Variants in GOLGA8T observed in about 807,000 individuals in gnomAD.
The protein encoded by GOLGA8T is golgin subfamily A member 8T.
In GOLGA8T, 17 loss-of-function variants were observed where a neutral mutation model predicts 52.0. The ratio of observed to expected loss-of-function variants is 0.33; its 90% confidence interval spans 0.22 to 0.49. GOLGA8T has a LOEUF of 0.49. Among genes scored for constraint, GOLGA8T ranks in the 20% least tolerant of loss-of-function variants. GOLGA8T has a pLI of 0.99. For synonymous variants in GOLGA8T, 67 were observed against 169.5 expected (o/e 0.40, Z 4.70); for missense variants, 154 against 462.1 (o/e 0.33, Z 6.11).
Position 30,141,558 on chromosome 15 carries a change from G to A in GOLGA8T, c.874+133G>A, listed in dbSNP as rs368948100. ...GGGAAAGAGATCTGTGCCAGGAGAC[G>A]GCGAGTCTTGTCATCTCAATGAGTC... is the stretch of plus-strand genomic sequence containing the variant. On this transcript the variant is annotated intron_variant, in intron 11 of 18. Coordinates refer to ENST00000569052, the MANE Select transcript of GOLGA8T (RefSeq NM_001355469.2). 21 of 755,666 alleles carry A rather than the reference G, an allele frequency of 2.8e-5. 6 individuals are homozygous for A. The highest frequency in any genetic ancestry group is 2.5e-4 in the East Asian group (9 of 36,700). 46.8% of individuals were successfully genotyped at this position (755,666 alleles called of 1,614,324 possible). A position where few individuals can be genotyped will look rare whatever the true frequency, so the allele number is the denominator to read the frequency against.
Position 30,136,960 on chromosome 15 carries a change from C to A in GOLGA8T, c.143C>A (p.Ser48Tyr). 2 of 935,376 alleles carry A rather than the reference C, an allele frequency of 2.1e-6. No individual in the cohort carries two copies. Among genetic ancestry groups the A allele is most frequent in the South Asian group, 3.5e-5 (2 of 56,698 alleles). The allele number at this position is 935,376 out of a possible 1,614,324, so 57.9% of individuals were successfully genotyped here. ...TNGSIPEKAT[S>Y]GGCQPPRDSA... is the part of the protein sequence containing the mutation. ...GGCAGTATCCCTGAGAAAGCCACTT[C>A]TGGTGGTTGCCAGCCACCTAGGGAT... Residue 48 changes from serine to tyrosine, a missense_variant, in exon 2 of 19, where the codon TCT (serine) becomes TAT (tyrosine). By Grantham distance (144) the Ser-to-Tyr change is moderately radical. Coordinates refer to ENST00000569052, the MANE Select transcript of GOLGA8T (RefSeq NM_001355469.2).
rs1167840406 is a variant in GOLGA8T at position 30,141,640 on chromosome 15, C to T, written c.875-162C>T. On this transcript the variant is annotated intron_variant, in intron 11 of 18. Transcript: ENST00000569052. ...GGCCCGTTGTCAGCCACCCGCAGTGCTCTTTCTCTGAAAGTGCTTTGGAAG... is the reference window on the plus strand; with the variant it reads ...GGCCCGTTGTCAGCCACCCGCAGTGTTCTTTCTCTGAAAGTGCTTTGGAAG... Among the ~76,000 whole-genome samples, 2 of 126,966 alleles carry T rather than the reference C, an allele frequency of 1.6e-5. 1 individual carries two copies. Among genetic ancestry groups the T allele is most frequent in the African/African-American group, 8.6e-5 (2 of 23,356 alleles). The allele number at this position is 126,966 out of a possible 152,430, so 83.3% of individuals were successfully genotyped here.
chr15:30,140,961 A>C (rs1278241199), intron 9 of GOLGA8T, 33 bp downstream of exon 9: 8 of 1,416,716 alleles, frequency 5.6e-6, no homozygotes, highest in Non-Finnish European at 7.7e-6. Flanking sequence ...TGTGGAAGGA[A>C]GATGACCCCA....
chr15:30,145,063 T>C lies in GOLGA8T; in HGVS notation c.1564+7T>C. 3 of 435,762 alleles carry C rather than the reference T, an allele frequency of 6.9e-6. No individual in the cohort carries two copies. The highest frequency in any genetic ancestry group is 1.1e-5 in the Non-Finnish European group (3 of 264,382). The allele number at this position is 435,762 out of a possible 1,614,324, so 27.0% of individuals were successfully genotyped here. The stretch of plus-strand genomic sequence containing the variant: ...GCTCAGGGAGGAGATGAAGGTAGGG[T>C]GTGCAACATCTCTGTGGGGGTGGGG... On this transcript the variant is annotated splice_region_variant and intron_variant, in intron 17 of 18. Coordinates refer to ENST00000569052, the MANE Select transcript of GOLGA8T (RefSeq NM_001355469.2).
intron 8 of GOLGA8T, 78 bp from the exon 9 acceptor site, chr15:30,140,764 G>A: frequency 9.0e-7 from 1 of 1,108,080 alleles, no homozygotes; most frequent in African/African-American, 1.8e-5. Flanking sequence ...ATTGGGCCTA[G>A]CCCTAGCCCT....
intron 8 of GOLGA8T, 136 bp from the exon 9 acceptor site, chr15:30,140,706 C>G (rs984866034): frequency 2.5e-6 from 2 of 787,048 alleles, no homozygotes; most frequent in Non-Finnish European, 4.1e-6. Context: ...TTTTAAAAAC[C>G]AGACCACGGG....
Position 30,142,512 on chromosome 15 carries a change from G to A in GOLGA8T, c.1200+130G>A, listed in dbSNP as rs1164099330. ...GCTGGTGACCACAGCACCCCCCAGGGCAGTCCTGTTTCTTGCTTCCTGCCT... is the reference window on the plus strand; with the variant it reads ...GCTGGTGACCACAGCACCCCCCAGGACAGTCCTGTTTCTTGCTTCCTGCCT... On this transcript the variant is annotated intron_variant, in intron 13 of 18. Coordinates refer to ENST00000569052, the MANE Select transcript of GOLGA8T (RefSeq NM_001355469.2). 8.6e-6 allele frequency: 13 copies of A among 1,505,444 alleles called. 2 individuals are homozygous for A. The East Asian group carries it at 2.5e-4, about 29-fold the overall frequency. 93.3% of individuals were successfully genotyped at this position (1,505,444 alleles called of 1,614,324 possible).
chr15:30,145,631 A>T lies in GOLGA8T; in HGVS notation c.*64A>T. On this transcript the variant is annotated 3_prime_UTR_variant, in exon 19 of 19. Coordinates refer to ENST00000569052, the MANE Select transcript of GOLGA8T (RefSeq NM_001355469.2). ...AATAAGAAACCAAGTTATGGGGTTAATCTCCTACACAATTCATTTACTTCC... is the reference window on the plus strand; with the variant it reads ...AATAAGAAACCAAGTTATGGGGTTATTCTCCTACACAATTCATTTACTTCC... The T allele has an allele frequency of 3.7e-6, 3 of 816,938 alleles. 1 individual carries two copies. The South Asian group carries it at 5.2e-5, about 14-fold the overall frequency. The allele number at this position is 816,938 out of a possible 1,614,324, so 50.6% of individuals were successfully genotyped here.
At position 30,144,627 on chromosome 15, in the gene GOLGA8T, C is replaced by T. The variant is rs1444469422; in HGVS notation, c.1369-152C>T. On this transcript the variant is annotated intron_variant, in intron 15 of 18. Coordinates refer to ENST00000569052, the MANE Select transcript of GOLGA8T (RefSeq NM_001355469.2). ...GCCCTGGAGCCCCAGGGCCTGGGGG[C>T]GAGTCTGTGAGTAGGGAGACCCACT... 2.3e-3 allele frequency among the ~76,000 whole-genome samples: 230 copies of T among 100,242 alleles called. 1 individual carries two copies. Among genetic ancestry groups the T allele is most frequent in the Admixed American group, 3.0e-3 (37 of 12,146 alleles). 65.8% of individuals were successfully genotyped at this position (100,242 alleles called of 152,430 possible). A position where few individuals can be genotyped will look rare whatever the true frequency, so the allele number is the denominator to read the frequency against.
Position 30,148,385 on chromosome 15 carries a change from T to C in GOLGA8T, c.*2818T>C, listed in dbSNP as rs899038758. Among the ~76,000 whole-genome samples the C allele has an allele frequency of 7.7e-6, 1 of 130,446 alleles. No homozygotes were observed. Among genetic ancestry groups the C allele is most frequent in the Non-Finnish European group, 1.5e-5 (1 of 65,646 alleles). 85.6% of individuals were successfully genotyped at this position (130,446 alleles called of 152,430 possible). ...CTAAAACCAAAGCGATTTTAGAAAA[T>C]TTGAAAATGTAAATCAGCCCTATCC... On this transcript the variant is annotated 3_prime_UTR_variant, in exon 19 of 19. Transcript: ENST00000569052.
Position 30,142,069 on chromosome 15 carries a change from C to G in GOLGA8T, c.1131+11C>G, listed in dbSNP as rs2057751318. ...GTCTTCGAGGAGCCGGTGCGTTGCC[C>G]AAACTGGGGAGCTTGCCCTCCTCCC... On this transcript the variant is annotated intron_variant, in intron 12 of 18. Coordinates refer to ENST00000569052, the MANE Select transcript of GOLGA8T (RefSeq NM_001355469.2). 2.3e-6 allele frequency: 1 copy of G among 433,898 alleles called. No individual in the cohort carries two copies. Among genetic ancestry groups the G allele is most frequent in the Non-Finnish European group, 3.8e-6 (1 of 264,686 alleles). 26.9% of individuals were successfully genotyped at this position (433,898 alleles called of 1,614,324 possible).
intron 10 of GOLGA8T, 66 bp downstream of exon 10, chr15:30,141,208 A>G: frequency 1.8e-6 from 2 of 1,119,914 alleles, no homozygotes; most frequent in South Asian, 2.8e-5. Flanking sequence ...TCATCTGTAA[A>G]ATGGGAATAG....
intron 8 of GOLGA8T, chr15:30,140,217 G>A (rs2057724083): frequency 2.2e-6 from 1 of 448,732 alleles, no homozygotes; most frequent in South Asian, 1.9e-5. Flanking sequence ...ATGTCTGCAA[G>A]GGTTCATAAA....
rs995584786 is a variant in GOLGA8T at position 30,148,443 on chromosome 15, C to A, written c.*2876C>A. ...AGTTTCTCTAAAACTTTATCTTAGT[C>A]ATTTTAAAATAATATAACTATTAAA... On this transcript the variant is annotated 3_prime_UTR_variant, in exon 19 of 19. Transcript: ENST00000569052. Among the ~76,000 whole-genome samples, 9 of 128,598 alleles carry A rather than the reference C, an allele frequency of 7.0e-5. 1 individual carries two copies. The highest frequency in any genetic ancestry group is 1.4e-4 in the Non-Finnish European group (9 of 64,806). 84.4% of individuals were successfully genotyped at this position (128,598 alleles called of 152,430 possible).
intron 13 of GOLGA8T, 68 bp downstream of exon 13, chr15:30,142,450 G>A: frequency 6.3e-7 from 1 of 1,579,748 alleles, no homozygotes; most frequent in South Asian, 1.1e-5. Flanking sequence ...CTCTGGGGAG[G>A]GGAGGTACGA....
intron 15 of GOLGA8T, 24 bp from the exon 16 acceptor site, chr15:30,144,755 G>T (rs1232909932): frequency 7.2e-7 from 1 of 1,388,526 alleles, no homozygotes; most frequent in Non-Finnish European, 9.6e-7. Context: ...CTGCCGAGAT[G>T]TGACTGCAAT....
chr15:30,136,667 A>G (rs1350140368), intron 1 of GOLGA8T, among the ~76,000 whole-genome samples, 199 bp from the exon 2 acceptor site: 1 of 147,986 alleles, frequency 6.8e-6, no homozygotes, highest in African/African-American at 2.5e-5. Flanking sequence ...TCAAAGTTCC[A>G]GTATTGCCTT....
rs2057732464 is a variant in GOLGA8T, at chr15:30,140,773, C to T, written c.592-69C>T. 4 of 1,236,232 alleles carry T rather than the reference C, an allele frequency of 3.2e-6. No homozygotes were observed. In the South Asian group the frequency reaches 3.8e-5, roughly 12 times the overall value. 76.6% of individuals were successfully genotyped at this position (1,236,232 alleles called of 1,614,324 possible). ...TTGTATATTGGGCCTAGCCCTAGCC[C>T]TTTTAAGGGGCACTGTGTGGAAATG... On this transcript the variant is annotated intron_variant, in intron 8 of 18. Coordinates refer to ENST00000569052, the MANE Select transcript of GOLGA8T (RefSeq NM_001355469.2).
rs1476903282 is a variant in GOLGA8T, at chr15:30,142,458, C to T, written c.1200+76C>T. Reference sequence around the variant, plus strand: ...CAGCAGACTCTGGGGAGGGGAGGTACGAGGCCAGAGGCAGCTTCCAGCCTG... The same window carrying T: ...CAGCAGACTCTGGGGAGGGGAGGTATGAGGCCAGAGGCAGCTTCCAGCCTG... On this transcript the variant is annotated intron_variant, in intron 13 of 18. Transcript: ENST00000569052. 1.3e-4 allele frequency: 199 copies of T among 1,574,814 alleles called. 8 individuals carry two copies. In the South Asian group the frequency reaches 1.3e-3, roughly 11 times the overall value.
Sources: gnomAD v4.1 joint callset for allele counts (sites outside exome capture counted in the v4.1 genomes callset) on GRCh38, gnomAD v4.1.1 for gene constraint, MANE v1.5 for transcripts, NCBI Gene and HGNC (gene_info 2026-07-23, HGNC 2026-07-21) for gene names.